The following RGS21 variants were observed in gnomAD, a reference collection of about 807,000 sequenced individuals.
RGS21 encodes the protein regulator of G protein signaling 21, also known as regulator of G-protein signalling 21.
A neutral mutation model predicts 18.7 loss-of-function variants in RGS21; 19 were observed. That is an observed-to-expected ratio of 1.01 (90% confidence interval 0.71 to 1.49). The LOEUF is 1.49. Ranked by LOEUF, RGS21 falls within the 40% of genes most tolerant of loss-of-function variation. The pLI is 0.00. For missense variants in RGS21, 194 were observed against 176.8 expected, an observed-to-expected ratio of 1.10 and a Z score of -0.55; for synonymous variants, 56 against 57.8, an observed-to-expected ratio of 0.97 and a Z score of 0.14.
intron 1 of RGS21, among the ~76,000 whole-genome samples, chr1:192,321,149 G>A (rs1017599441): frequency 6.6e-6 from 1 of 151,766 alleles, no homozygotes; most frequent in African/African-American, 2.4e-5. Flanking sequence ...ATAAAATTAA[G>A]TCAATATTCA....
At chr1:192,334,198 G>T (rs1658731293) in intron 1 of RGS21, among the ~76,000 whole-genome samples, 1 of 152,100 alleles carries the variant, frequency 6.6e-6, no homozygotes, top group African/African-American at 2.4e-5. Flanking sequence ...GACTTAAAGA[G>T]ACCTGAGCTT....
chr1:192,361,966 G>A (rs1029676975), intron 4 of RGS21, among the ~76,000 whole-genome samples: 2 of 152,148 alleles, frequency 1.3e-5, no homozygotes, highest in Non-Finnish European at 2.9e-5. Context: ...AATGATAAAG[G>A]TGGAAGACAA....
chr1:192,330,700 C>G lies in RGS21; in HGVS notation c.-60-12277C>G, dbSNP rs147854398. ...ACTAAGAAGTGAGGGCATGGACAAA[C>G]GGAATGTTGCTGGAGTTGGAGAGTT... is the stretch of plus-strand genomic sequence containing the variant. On this transcript the variant is annotated intron_variant, in intron 1 of 4. Coordinates refer to ENST00000417209, the MANE Select transcript of RGS21 (RefSeq NM_001039152.3). Among the ~76,000 whole-genome samples, 232 of 152,192 alleles carry G rather than the reference C, an allele frequency of 1.5e-3. 1 individual carries two copies. The highest frequency in any genetic ancestry group is 5.4e-3 in the African/African-American group (223 of 41,552).
intron 3 of RGS21, 34 bp downstream of exon 3, chr1:192,347,423 A>G (rs1658968960): frequency 2.1e-6 from 2 of 947,746 alleles, no homozygotes; most frequent in East Asian, 2.5e-5. Flanking sequence ...TTAAAATACA[A>G]TAATTAAATA....
At chr1:192,338,138 G>T (rs1208899302) in intron 1 of RGS21, among the ~76,000 whole-genome samples, 1 of 152,104 alleles carries the variant, frequency 6.6e-6, no homozygotes, top group Non-Finnish European at 1.5e-5. Context: ...TGGGAGATCA[G>T]ACACATTTCA....
intron 4 of RGS21, among the ~76,000 whole-genome samples, chr1:192,360,859 A>G (rs997788431): frequency 3.9e-5 from 6 of 152,132 alleles, no homozygotes; most frequent in Non-Finnish European, 8.8e-5. Context: ...TCCTTCAGAA[A>G]GCTTTTCCTT....
chr1:192,339,105 A>T (rs1301038306), intron 1 of RGS21, among the ~76,000 whole-genome samples: 1 of 152,082 alleles, frequency 6.6e-6, no homozygotes, highest in East Asian at 1.9e-4. Flanking sequence ...CGTATTTCTG[A>T]AGTATTTTAA....
In RGS21 at chr1:192,347,434, TA is replaced by T. The variant is rs756572004; in HGVS notation, c.88+48del. The T allele has an allele frequency of 3.4e-5, 30 of 887,610 alleles. No individual in the cohort carries two copies. The African/African-American group carries it at 4.9e-4, about 14-fold the overall frequency. 55.0% of individuals were successfully genotyped at this position (887,610 alleles called of 1,614,324 possible). ...AGGCTTAAAATACAATAATTAAATA[TA>T]AATTATTAAATTCTGAAAGTTGGTA... On this transcript the variant is annotated intron_variant, in intron 3 of 4. Transcript: ENST00000417209.
At chr1:192,339,215 CA>C (rs1658815323) in intron 1 of RGS21, among the ~76,000 whole-genome samples, 2 of 143,496 alleles carry the variant, frequency 1.4e-5, no homozygotes, top group African/African-American at 2.6e-5. Context: ...ATCAAATCGG[CA>C]TTTTTTTTTA....
chr1:192,330,147 G>A (rs1658624172), intron 1 of RGS21, among the ~76,000 whole-genome samples: 1 of 152,106 alleles, frequency 6.6e-6, no homozygotes, highest in Non-Finnish European at 1.5e-5. Flanking sequence ...GGAGAGATAA[G>A]ATATGGTCAC....
chr1:192,345,784 GA>G (rs1658936490), intron 2 of RGS21, among the ~76,000 whole-genome samples: 1 of 151,866 alleles, frequency 6.6e-6, no homozygotes, highest in Non-Finnish European at 1.5e-5. Flanking sequence ...ATACAAACAG[GA>G]ATATTTTTAA....
chr1:192,348,206 A>G (rs1368328202), intron 3 of RGS21, among the ~76,000 whole-genome samples: 4 of 151,782 alleles, frequency 2.6e-5, no homozygotes, highest in Non-Finnish European at 5.9e-5. Flanking sequence ...GTGTATTTTT[A>G]GTAGAGACAG....
At chr1:192,325,526 T>A (rs1247707978) in intron 1 of RGS21, among the ~76,000 whole-genome samples, 1 of 152,048 alleles carries the variant, frequency 6.6e-6, no homozygotes, top group Non-Finnish European at 1.5e-5. Flanking sequence ...CTTTGAGAAA[T>A]CTCCAAACTG....
At chr1:192,330,118 T>A (rs1218737165) in intron 1 of RGS21, among the ~76,000 whole-genome samples, 1 of 152,158 alleles carries the variant, frequency 6.6e-6, no homozygotes, top group Non-Finnish European at 1.5e-5. Flanking sequence ...CTTATCCTTA[T>A]GGAATAAGAA....
In RGS21 at chr1:192,366,752, T is replaced by A. The variant is rs907203400; in HGVS notation, c.*628T>A. The A allele has an allele frequency of 2.0e-5, 3 of 152,036 alleles. No homozygotes were observed. The highest frequency in any genetic ancestry group is 4.4e-5 in the Non-Finnish European group (3 of 67,966). 9.4% of individuals were successfully genotyped at this position (152,036 alleles called of 1,614,324 possible). On this transcript the variant is annotated 3_prime_UTR_variant, in exon 5 of 5. Transcript: ENST00000417209. The stretch of plus-strand genomic sequence containing the variant: ...ATTCAATGGCATCACATATAAAATG[T>A]GATGAGTTATGTATGAAAAGGCCTC...
At chr1:192,334,522 T>C (rs952577790) in intron 1 of RGS21, among the ~76,000 whole-genome samples, 15 of 152,110 alleles carry the variant, frequency 9.9e-5, no homozygotes, top group African/African-American at 3.4e-4. Context: ...CACTGGACAT[T>C]GTTTCTATTT....
At chr1:192,319,492 T>C (rs2102219679) in intron 1 of RGS21, among the ~76,000 whole-genome samples, 1 of 152,254 alleles carries the variant, frequency 6.6e-6, no homozygotes, top group African/African-American at 2.4e-5. Context: ...AGGCTATGTA[T>C]GCAATTTTCC....
At chr1:192,352,830 T>A (rs145361538) in intron 4 of RGS21, among the ~76,000 whole-genome samples, 1,756 of 152,142 alleles carry the variant, frequency 0.012, 20 homozygotes, top group Middle Eastern at 0.061. Flanking sequence ...GTGTTTTATA[T>A]GTGGAATATC....
intron 4 of RGS21, 149 bp downstream of exon 4, chr1:192,352,362 G>A: frequency 1.9e-6 from 1 of 519,144 alleles, no homozygotes. Context: ...AATTCCTTAA[G>A]ATGACTCTCT....
Sources: allele counts gnomAD v4.1 joint callset (sites outside exome capture counted in the v4.1 genomes callset), GRCh38; gene constraint gnomAD v4.1.1; transcripts MANE v1.5; gene names NCBI Gene and HGNC (gene_info 2026-07-23, HGNC 2026-07-21).